EDIL3: variants seen among roughly 807,000 people sequenced by gnomAD.
EDIL3 encodes the protein EGF like and discoidin domains 3, also known as EGF-like repeat and discoidin I-like domain-containing protein 3.
EDIL3 carries 37 observed loss-of-function variants against 67.4 expected under a neutral mutation model. The observed-to-expected ratio is 0.55, with a 90% CI of 0.42 to 0.72. The LOEUF (loss-of-function observed/expected upper bound fraction) is 0.72, where lower values mean the gene tolerates loss of function less well. EDIL3 is among the 30% of genes least tolerant of loss of function. The pLI, the probability that EDIL3 is intolerant of heterozygous loss-of-function variation, is 0.00. For missense variants in EDIL3, 527 were observed against 586.3 expected (o/e 0.90, Z 1.04); for synonymous variants, 195 against 196.3 (o/e 0.99, Z 0.05).
chr5:84,384,286 T>C (rs1748172945), intron 1 of EDIL3, 22 bp downstream of exon 1: 2 of 1,604,318 alleles, frequency 1.2e-6, no homozygotes, highest in South Asian at 1.1e-5. Flanking sequence ...CTCACCCAGC[T>C]GTCCGGGTCC....
At chr5:84,131,032 A>T (rs1300190275) in intron 5 of EDIL3, among the ~76,000 whole-genome samples, 1 of 152,170 alleles carries the variant, frequency 6.6e-6, no homozygotes, top group Non-Finnish European at 1.5e-5. Context: ...AAAGAAGGAC[A>T]AGTTGTTTGC....
intron 4 of EDIL3, among the ~76,000 whole-genome samples, chr5:84,160,448 T>C (rs1748583004): frequency 6.6e-6 from 1 of 152,168 alleles, no homozygotes; most frequent in Admixed American, 6.6e-5. Flanking sequence ...GAATGGTTGA[T>C]AGAACTTGAT....
rs1381799429 is a variant in EDIL3, at chr5:84,268,723, T to C, written c.68-14511A>G. Among the ~76,000 whole-genome samples, 3 of 152,202 alleles carry C rather than the reference T, an allele frequency of 2.0e-5. No individual in the cohort carries two copies. In the East Asian group the frequency reaches 5.8e-4, roughly 29 times the overall value. On this transcript the variant is annotated intron_variant, in intron 1 of 10. Coordinates refer to ENST00000296591, the MANE Select transcript of EDIL3 (RefSeq NM_005711.5). ...ACCTATATTCACAAGATTTTAACCATGGCAGTATAATTCAGGGGCATATAT... is the reference window on the plus strand; with the variant it reads ...ACCTATATTCACAAGATTTTAACCACGGCAGTATAATTCAGGGGCATATAT...
intron 1 of EDIL3, among the ~76,000 whole-genome samples, chr5:84,295,457 C>T (rs1453413235): frequency 6.6e-6 from 1 of 151,792 alleles, no homozygotes; most frequent in Non-Finnish European, 1.5e-5. Flanking sequence ...TATTAATACC[C>T]ATGATAAAAA....
At chr5:84,163,101 A>G (rs1748643210) in intron 4 of EDIL3, among the ~76,000 whole-genome samples, 1 of 152,132 alleles carries the variant, frequency 6.6e-6, no homozygotes, top group Admixed American at 6.6e-5. Context: ...AAAGCTTTAA[A>G]AATAAAAGTT....
chr5:84,243,735 C>A (rs1416257275), intron 2 of EDIL3, among the ~76,000 whole-genome samples: 1 of 152,112 alleles, frequency 6.6e-6, no homozygotes, highest in Non-Finnish European at 1.5e-5. Flanking sequence ...ATTTTGCCCT[C>A]CCTATTTTTC....
chr5:84,222,763 G>A (rs770390714), intron 3 of EDIL3, among the ~76,000 whole-genome samples: 3 of 109,978 alleles, frequency 2.7e-5, no homozygotes, highest in Admixed American at 9.1e-5. Context: ...ACATCTATTC[G>A]CCATTCTCAT....
intron 9 of EDIL3, among the ~76,000 whole-genome samples, chr5:84,005,758 G>C (rs1580275402): frequency 1.3e-5 from 2 of 152,018 alleles, no homozygotes; most frequent in African/African-American, 4.8e-5. Flanking sequence ...CTTGAGAACT[G>C]GAATGAGACA....
intron 1 of EDIL3, among the ~76,000 whole-genome samples, chr5:84,315,059 G>C: frequency 6.6e-6 from 1 of 152,042 alleles, no homozygotes; most frequent in Non-Finnish European, 1.5e-5. Flanking sequence ...AAGTTACAGT[G>C]ATGACTACAA....
intron 1 of EDIL3, among the ~76,000 whole-genome samples, chr5:84,371,196 A>T (rs943459372): frequency 1.1e-4 from 16 of 151,034 alleles, no homozygotes; most frequent in African/African-American, 3.6e-4. Context: ...TGTGTGTGTG[A>T]GCATGAGTTA....
chr5:84,205,787 T>C, intron 3 of EDIL3, among the ~76,000 whole-genome samples: 1 of 152,184 alleles, frequency 6.6e-6, no homozygotes, highest in East Asian at 1.9e-4. Flanking sequence ...ATTGCGTCAA[T>C]TTGATTCTTC....
intron 10 of EDIL3, among the ~76,000 whole-genome samples, chr5:83,957,325 T>G (rs1401604120): frequency 6.6e-6 from 1 of 151,706 alleles, no homozygotes; most frequent in African/African-American, 2.4e-5. Flanking sequence ...TCCATTTTAT[T>G]TACTCCCTAA....
chr5:84,119,770 C>T (rs1032913504), intron 5 of EDIL3, among the ~76,000 whole-genome samples: 1 of 151,912 alleles, frequency 6.6e-6, no homozygotes, highest in African/African-American at 2.4e-5. Flanking sequence ...TACCTGCTGG[C>T]AGTTTTGTTG....
chr5:84,379,404 T>A (rs938124240), intron 1 of EDIL3, among the ~76,000 whole-genome samples: 7 of 152,138 alleles, frequency 4.6e-5, no homozygotes, highest in African/African-American at 1.7e-4. Flanking sequence ...ATGTAGAATC[T>A]TGCAAGATCT....
intron 1 of EDIL3, among the ~76,000 whole-genome samples, chr5:84,364,727 TCA>T (rs1156740541): frequency 6.6e-6 from 1 of 151,986 alleles, no homozygotes; most frequent in Non-Finnish European, 1.5e-5. Flanking sequence ...ATGATAAATC[TCA>T]CACTACATAA....
chr5:84,027,204 T>A (rs1455537712), intron 9 of EDIL3, among the ~76,000 whole-genome samples: 2 of 152,228 alleles, frequency 1.3e-5, no homozygotes, highest in Admixed American at 6.5e-5. Context: ...TATAAAGACA[T>A]TACCATGGAG....
chr5:84,130,258 C>T (rs142434243), intron 5 of EDIL3, among the ~76,000 whole-genome samples: 37 of 152,238 alleles, frequency 2.4e-4, no homozygotes, highest in African/African-American at 8.9e-4. Flanking sequence ...TTTTTTCTCT[C>T]TCATTAATCT....
intron 1 of EDIL3, among the ~76,000 whole-genome samples, chr5:84,309,580 G>A (rs1043777740): frequency 2.6e-5 from 4 of 151,234 alleles, no homozygotes; most frequent in Non-Finnish European, 5.9e-5. Flanking sequence ...ACCTATGAGC[G>A]AGAATATACG....
rs1010315074 is a variant in EDIL3 at position 83,971,437 on chromosome 5, A to C, written c.1138-8077T>G. ...GGGCATGCACCTCCATGCCTGGTTA[A>C]CCTTTTATTTTTTGCAGAAAGTGCC... is the stretch of plus-strand genomic sequence containing the variant. On this transcript the variant is annotated intron_variant, in intron 9 of 10. Transcript: ENST00000296591. Among the ~76,000 whole-genome samples, 6 of 151,738 alleles carry C rather than the reference A, an allele frequency of 4.0e-5. No homozygotes were observed. In the South Asian group the frequency reaches 8.3e-4, roughly 21 times the overall value.
Sources: gnomAD v4.1 joint callset for allele counts (sites outside exome capture counted in the v4.1 genomes callset) on GRCh38, gnomAD v4.1.1 for gene constraint, MANE v1.5 for transcripts, NCBI Gene and HGNC (gene_info 2026-07-23, HGNC 2026-07-21) for gene names.